Variants in PPM1L observed in about 807,000 individuals in gnomAD.
The protein encoded by PPM1L is protein phosphatase, Mg2+/Mn2+ dependent 1L.
A neutral mutation model predicts 31.4 loss-of-function variants in PPM1L; 13 were observed. The observed-to-expected ratio is 0.41, with a 90% confidence interval of 0.27 to 0.66. PPM1L has a LOEUF of 0.66. PPM1L is among the 30% of genes least tolerant of loss of function. The pLI is 0.29. For missense variants in PPM1L, 326 were observed against 453.7 expected, an observed-to-expected ratio of 0.72 and a Z score of 2.56; for synonymous variants, 184 against 175.4, an observed-to-expected ratio of 1.05 and a Z score of -0.39.
intron 1 of PPM1L, among the ~76,000 whole-genome samples, chr3:160,799,047 T>C (rs1375524218): frequency 6.6e-6 from 1 of 152,204 alleles, no homozygotes; most frequent in Non-Finnish European, 1.5e-5. Flanking sequence ...TTCTGTAATA[T>C]TATGATCAAA....
At chr3:161,010,596 C>T (rs563421578) in intron 2 of PPM1L, among the ~76,000 whole-genome samples, 145 of 152,264 alleles carry the variant, frequency 9.5e-4, no homozygotes, top group African/African-American at 3.4e-3. Context: ...GAGGAATTGC[C>T]ACACTGTCTT....
intron 1 of PPM1L, among the ~76,000 whole-genome samples, chr3:160,953,839 C>T (rs1490689966): frequency 6.6e-6 from 1 of 152,106 alleles, no homozygotes; most frequent in Non-Finnish European, 1.5e-5. Flanking sequence ...TCAGTTTTCC[C>T]ATTGCTTTTA....
At chr3:160,944,817 T>TATGTTATATATAACATATATTATATATA (rs1715295514) in intron 1 of PPM1L, among the ~76,000 whole-genome samples, 1 of 30,942 alleles carries the variant, frequency 3.2e-5, no homozygotes, top group Admixed American at 4.4e-4. Flanking sequence ...ATAACATATA[T>TATGTTATATATAACATATATTATATATA]ATGTTATATA....
At chr3:161,005,835 G>A (rs1481347314) in intron 2 of PPM1L, among the ~76,000 whole-genome samples, 2 of 152,050 alleles carry the variant, frequency 1.3e-5, no homozygotes, top group African/African-American at 2.4e-5. Context: ...TTCAGAAGGT[G>A]CAAAGATTAA....
At chr3:160,790,619 A>T (rs1712077302) in intron 1 of PPM1L, among the ~76,000 whole-genome samples, 1 of 152,024 alleles carries the variant, frequency 6.6e-6, no homozygotes. Flanking sequence ...AGATACTCTG[A>T]GGGTAGGATG....
At chr3:161,039,933 C>A (rs1476970437) in intron 2 of PPM1L, among the ~76,000 whole-genome samples, 3 of 152,200 alleles carry the variant, frequency 2.0e-5, no homozygotes, top group African/African-American at 7.2e-5. Flanking sequence ...ATCAAATAAA[C>A]TTCTCCAAAT....
chr3:161,033,286 A>G (rs550665572), intron 2 of PPM1L, among the ~76,000 whole-genome samples: 30 of 152,306 alleles, frequency 2.0e-4, no homozygotes, highest in Non-Finnish European at 3.8e-4. Flanking sequence ...TATAGATTCA[A>G]TGCTATCCCC....
At chr3:160,991,016 GA>G (rs1717114846) in intron 2 of PPM1L, among the ~76,000 whole-genome samples, 1 of 151,058 alleles carries the variant, frequency 6.6e-6, no homozygotes, top group Non-Finnish European at 1.5e-5. Flanking sequence ...GGCCACATTG[GA>G]AGAAGAAGAA....
Position 161,072,993 on chromosome 3 carries a change from T to C in PPM1L, c.*3836T>C, listed in dbSNP as rs768182566. ...GAAATGACATGACTGTTAGATACTA[T>C]GCCTGTTTAATTGCCTCTGGATTAA... On this transcript the variant is annotated 3_prime_UTR_variant, in exon 4 of 4. Transcript: ENST00000498165. 2 of 152,228 alleles carry C rather than the reference T, an allele frequency of 1.3e-5. No individual in the cohort carries two copies. The highest frequency in any genetic ancestry group is 2.4e-5 in the African/African-American group (1 of 41,466). 9.4% of individuals were successfully genotyped at this position (152,228 alleles called of 1,614,324 possible).
At chr3:161,028,893 A>G (rs1718481145) in intron 2 of PPM1L, among the ~76,000 whole-genome samples, 1 of 152,204 alleles carries the variant, frequency 6.6e-6, no homozygotes, top group Admixed American at 6.5e-5. Flanking sequence ...AATAGCAGTA[A>G]TCTTGATGAA....
chr3:160,848,281 T>C (rs1164448819), intron 1 of PPM1L, among the ~76,000 whole-genome samples: 1 of 152,186 alleles, frequency 6.6e-6, no homozygotes. Flanking sequence ...CTTATTCCCT[T>C]CTTAGTACAT....
At chr3:160,969,059 T>C (rs1716241659) in intron 2 of PPM1L, among the ~76,000 whole-genome samples, 4 of 152,164 alleles carry the variant, frequency 2.6e-5, no homozygotes, top group Admixed American at 2.6e-4. Flanking sequence ...TTGTGTTCCT[T>C]TGGGTATCAG....
chr3:161,007,288 T>G lies in PPM1L; in HGVS notation c.574+45378T>G, dbSNP rs569143851. ...TAGGTTACTATTGTGCACAGTGCAA[T>G]CAAGGGAAGCATCATGTAAGCTGAT... On this transcript the variant is annotated intron_variant, in intron 2 of 3. Transcript: ENST00000498165. Among the ~76,000 whole-genome samples, 24 of 152,320 alleles carry G rather than the reference T, an allele frequency of 1.6e-4. No individual in the cohort carries two copies. In the East Asian group the frequency reaches 4.4e-3, roughly 28 times the overall value.
At chr3:160,781,627 G>C (rs974537794) in intron 1 of PPM1L, among the ~76,000 whole-genome samples, 1 of 152,174 alleles carries the variant, frequency 6.6e-6, no homozygotes, top group African/African-American at 2.4e-5. Context: ...CTCATTTCCT[G>C]CAATAGGAGA....
intron 1 of PPM1L, among the ~76,000 whole-genome samples, chr3:160,792,024 G>A (rs1214983084): frequency 2.0e-5 from 3 of 152,148 alleles, no homozygotes; most frequent in Non-Finnish European, 2.9e-5. Context: ...AGATGGGTGT[G>A]TGTTAACTTA....
chr3:161,037,341 A>G (rs1293835556), intron 2 of PPM1L, among the ~76,000 whole-genome samples: 5 of 151,796 alleles, frequency 3.3e-5, no homozygotes, highest in Non-Finnish European at 7.4e-5. Flanking sequence ...GGAGAGACCT[A>G]CATGGTGAGG....
At chr3:161,047,784 A>G (rs1360531615) in intron 2 of PPM1L, among the ~76,000 whole-genome samples, 1 of 152,210 alleles carries the variant, frequency 6.6e-6, no homozygotes, top group Non-Finnish European at 1.5e-5. Context: ...ATAATACCAC[A>G]CATCTACAAC....
chr3:160,859,107 G>A (rs1348282358), intron 1 of PPM1L, among the ~76,000 whole-genome samples: 2 of 152,138 alleles, frequency 1.3e-5, no homozygotes, highest in East Asian at 1.9e-4. Context: ...ATATTCCTAA[G>A]TAAGTAGAAT....
At chr3:160,776,666 A>C (rs953476589) in intron 1 of PPM1L, among the ~76,000 whole-genome samples, 51 of 150,576 alleles carry the variant, frequency 3.4e-4, no homozygotes, top group Non-Finnish European at 3.7e-4. Context: ...TGCAGTGGCA[A>C]GATCTCAGCT....
Sources: gnomAD v4.1 joint callset for allele counts (sites outside exome capture counted in the v4.1 genomes callset) on GRCh38, gnomAD v4.1.1 for gene constraint, MANE v1.5 for transcripts, NCBI Gene and HGNC (gene_info 2026-07-23, HGNC 2026-07-21) for gene names.